The following FMN1 variants were observed in gnomAD, a reference collection of about 807,000 sequenced individuals.
FMN1 encodes formin 1.
FMN1 carries 110 observed loss-of-function variants against 132.4 expected under a neutral mutation model. That is an observed-to-expected ratio of 0.83 (90% CI 0.71 to 0.97). The LOEUF (loss-of-function observed/expected upper bound fraction) is 0.97, where lower values mean the gene tolerates loss of function less well. Among genes scored for constraint, FMN1 ranks in the 50% least tolerant of loss-of-function variants. FMN1 has a pLI of 0.00. For missense variants in FMN1, 1,792 were observed against 1,705.3 expected (o/e 1.05, Z -0.90); for synonymous variants, 722 against 651.7 (o/e 1.11, Z -1.64).
chr15:33,016,275 T>C (rs994445807), intron 6 of FMN1, among the ~76,000 whole-genome samples: 1 of 152,224 alleles, frequency 6.6e-6, no homozygotes, highest in East Asian at 1.9e-4. Context: ...AAAGCTTCTC[T>C]GACCATTTCT....
intron 4 of FMN1, among the ~76,000 whole-genome samples, chr15:33,147,503 C>T (rs1289563976): frequency 4.6e-5 from 7 of 152,166 alleles, no homozygotes; most frequent in Non-Finnish European, 1.0e-4. Context: ...CCACAGACTG[C>T]CACCCTTGCT....
chr15:32,859,741 G>C (rs1225130014), intron 16 of FMN1, among the ~76,000 whole-genome samples: 1 of 152,170 alleles, frequency 6.6e-6, no homozygotes, highest in Non-Finnish European at 1.5e-5. Flanking sequence ...GAAAGCATCA[G>C]ATTTCCTTAT....
At chr15:33,144,115 C>G (rs1964115237) in intron 4 of FMN1, among the ~76,000 whole-genome samples, 1 of 152,088 alleles carries the variant, frequency 6.6e-6, no homozygotes, top group Non-Finnish European at 1.5e-5. Context: ...TTTTTCTTTT[C>G]TTTTGCTCTT....
At chr15:33,067,217 C>A (rs200347139) in intron 5 of FMN1, 2 of 1,613,442 alleles carry the variant, frequency 1.2e-6, no homozygotes, top group East Asian at 4.5e-5. Flanking sequence ...TGTCTGAAGA[C>A]CACCGTTGCC....
intron 10 of FMN1, among the ~76,000 whole-genome samples, chr15:32,912,470 T>C (rs1266433109): frequency 6.6e-6 from 1 of 152,200 alleles, no homozygotes; most frequent in East Asian, 1.9e-4. Context: ...TGCAAAGTAC[T>C]TAATTAATCT....
rs398026774 is a variant in FMN1, at chr15:33,069,993, C to CTCTTTTTTTTTTT, written c.2044-4920_2044-4919insAAAAAAAAAAAGA. 5.9e-4 allele frequency among the ~76,000 whole-genome samples: 44 copies of CTCTTTTTTTTTTT among 74,330 alleles called. 5 individuals carry two copies. Among genetic ancestry groups the CTCTTTTTTTTTTT allele is most frequent in the Non-Finnish European group, 8.4e-4 (34 of 40,646 alleles). The allele number at this position is 74,330 out of a possible 152,430, so 48.8% of individuals were successfully genotyped here. A position where few individuals can be genotyped will look rare whatever the true frequency, so the allele number is the denominator to read the frequency against. On this transcript the variant is annotated intron_variant, in intron 5 of 20. Coordinates refer to ENST00000616417, the MANE Select transcript of FMN1 (RefSeq NM_001277313.2). The stretch of plus-strand genomic sequence containing the variant: ...AACAGATCATAAGATCAGTCTTTCT[C>CTCTTTTTTTTTTT]TTTTTTTTTTTTTTTTTTTTTTTTT...
intron 9 of FMN1, among the ~76,000 whole-genome samples, chr15:32,926,481 T>C (rs2060964507): frequency 6.6e-6 from 1 of 152,174 alleles, no homozygotes; most frequent in Non-Finnish European, 1.5e-5. Flanking sequence ...CACACAAAAT[T>C]CCATCAGCCT....
chr15:32,872,220 CAG>C (rs1567304180), intron 16 of FMN1, among the ~76,000 whole-genome samples: 1 of 152,142 alleles, frequency 6.6e-6, no homozygotes, highest in African/African-American at 2.4e-5. Flanking sequence ...TTTAAATGCT[CAG>C]ACTTTCCAAT....
intron 4 of FMN1, among the ~76,000 whole-genome samples, chr15:33,133,125 G>T (rs995835601): frequency 3.9e-5 from 6 of 152,208 alleles, no homozygotes; most frequent in Non-Finnish European, 7.3e-5. Context: ...ACATAGAACT[G>T]TGTGTCCCTC....
intron 8 of FMN1, among the ~76,000 whole-genome samples, chr15:32,966,381 G>A (rs531681167): frequency 1.8e-4 from 27 of 152,212 alleles, no homozygotes; most frequent in African/African-American, 6.5e-4. Context: ...GGGACAGCCA[G>A]CATTTGGTAG....
At chr15:32,998,202 T>G (rs1433694671) in intron 7 of FMN1, among the ~76,000 whole-genome samples, 1 of 152,198 alleles carries the variant, frequency 6.6e-6, no homozygotes, top group Admixed American at 6.5e-5. Flanking sequence ...TATCACAAAT[T>G]TAAGAATTCT....
At chr15:33,022,291 A>G (rs773787472) in intron 6 of FMN1, among the ~76,000 whole-genome samples, 10 of 152,218 alleles carry the variant, frequency 6.6e-5, no homozygotes, top group Non-Finnish European at 1.0e-4. Context: ...ATTGTACTTC[A>G]TACTGAAACT....
At chr15:32,849,917 A>T (rs1393385373) in intron 17 of FMN1, among the ~76,000 whole-genome samples, 1 of 152,206 alleles carries the variant, frequency 6.6e-6, no homozygotes, top group East Asian at 1.9e-4. Context: ...TTGGCCTCCC[A>T]AAGTGCAGGG....
At chr15:33,152,069 T>C (rs955277206) in intron 4 of FMN1, among the ~76,000 whole-genome samples, 1 of 152,194 alleles carries the variant, frequency 6.6e-6, no homozygotes, top group Non-Finnish European at 1.5e-5. Context: ...TAAGAGACTG[T>C]CTATCATATT....
chr15:33,086,289 G>A (rs981364422), intron 5 of FMN1, among the ~76,000 whole-genome samples: 4 of 140,566 alleles, frequency 2.8e-5, no homozygotes, highest in Non-Finnish European at 6.1e-5. Flanking sequence ...ACAAGACGAG[G>A]TTATAAAATC....
At chr15:32,964,784 A>AT (rs2031030580) in intron 8 of FMN1, among the ~76,000 whole-genome samples, 1 of 152,222 alleles carries the variant, frequency 6.6e-6, no homozygotes, top group African/African-American at 2.4e-5. Context: ...AGCGTCCTTA[A>AT]TATGTAAACA....
chr15:32,932,284 C>T (rs888418983), intron 9 of FMN1, among the ~76,000 whole-genome samples: 2 of 152,104 alleles, frequency 1.3e-5, no homozygotes, highest in Non-Finnish European at 2.9e-5. Context: ...CCTGGTAGTC[C>T]CAGCTACTTG....
At chr15:33,033,789 C>CT (rs1425852301) in intron 6 of FMN1, among the ~76,000 whole-genome samples, 1 of 152,088 alleles carries the variant, frequency 6.6e-6, no homozygotes, top group Non-Finnish European at 1.5e-5. Context: ...CTCCAATACT[C>CT]TTTCATTGAG....
chr15:33,032,598 G>C (rs546868303), intron 6 of FMN1, among the ~76,000 whole-genome samples: 4 of 152,302 alleles, frequency 2.6e-5, no homozygotes, highest in African/African-American at 9.6e-5. Context: ...ATCATATGTA[G>C]AGGACCATCT....
Sources: allele counts gnomAD v4.1 joint callset (sites outside exome capture counted in the v4.1 genomes callset), GRCh38; gene constraint gnomAD v4.1.1; transcripts MANE v1.5; gene names NCBI Gene and HGNC (gene_info 2026-07-23, HGNC 2026-07-21).